Variants in PTPRC observed in about 807,000 individuals in gnomAD.
The protein encoded by PTPRC is protein tyrosine phosphatase receptor type C.
A neutral mutation model predicts 155.9 loss-of-function variants in PTPRC; 44 were observed. That is an observed-to-expected ratio of 0.28 (90% CI 0.22 to 0.36). The LOEUF (loss-of-function observed/expected upper bound fraction) is 0.36, where lower values mean the gene tolerates loss of function less well. Among genes scored for constraint, PTPRC ranks in the 10% least tolerant of loss-of-function variants. The pLI is 1.00. For synonymous variants in PTPRC, 525 were observed against 533.1 expected (o/e 0.98, Z 0.21); for missense variants, 1,401 against 1,564.6 (o/e 0.90, Z 1.76).
chr1:198,724,313 C>T (rs1654028393), intron 15 of PTPRC, among the ~76,000 whole-genome samples: 1 of 152,130 alleles, frequency 6.6e-6, no homozygotes, highest in Non-Finnish European at 1.5e-5. Flanking sequence ...TGGGTTTCCC[C>T]GGCATAATAT....
intron 2 of PTPRC, among the ~76,000 whole-genome samples, chr1:198,677,100 C>T (rs1476206652): frequency 1.3e-5 from 2 of 152,182 alleles, no homozygotes; most frequent in African/African-American, 4.8e-5. Flanking sequence ...GAAGGATAGA[C>T]TGGTGTTAAC....
At chr1:198,668,122 CA>C (rs1304180787) in intron 2 of PTPRC, among the ~76,000 whole-genome samples, 1 of 152,080 alleles carries the variant, frequency 6.6e-6, no homozygotes, top group East Asian at 1.9e-4. Flanking sequence ...GGACAACCAG[CA>C]AAAACAGTGA....
intron 11 of PTPRC, among the ~76,000 whole-genome samples, chr1:198,710,228 T>C (rs1653223475): frequency 6.6e-6 from 1 of 152,212 alleles, no homozygotes; most frequent in South Asian, 2.1e-4. Context: ...TGAATAGTCT[T>C]GCCATTCTTA....
Position 198,742,101 on chromosome 1 carries a change from A to G in PTPRC, c.2561+75A>G. 1.2e-6 allele frequency: 2 copies of G among 1,602,982 alleles called. 1 individual carries two copies. The highest frequency in any genetic ancestry group is 2.2e-5 in the South Asian group (2 of 90,840). On this transcript the variant is annotated intron_variant, in intron 24 of 32. Coordinates refer to ENST00000442510, the MANE Select transcript of PTPRC (RefSeq NM_002838.5). ...GAATCCACCTGCCTAGGGCTGTTAGAGACATCTTTCCCTTTGGCAATTGCT... is the reference window on the plus strand; with the variant it reads ...GAATCCACCTGCCTAGGGCTGTTAGGGACATCTTTCCCTTTGGCAATTGCT...
chr1:198,755,820 T>C, intron 32 of PTPRC, 86 bp from the exon 33 acceptor site: 1 of 1,361,124 alleles, frequency 7.3e-7, no homozygotes, highest in Non-Finnish European at 1.0e-6. Flanking sequence ...CACAAATAAA[T>C]CATTAGTTCT....
rs775095087 is a variant in PTPRC at position 198,712,970 on chromosome 1, A to T, written c.1189A>T (p.Ile397Phe). ...TTTAACAGGTCCAGGAGAGCCTCAG[A>T]TTATTTTTTGTAGAAGTGAAGCTGC... ...TDFGSPGEPQ[I>F]IFCRSEAAHQ... The change falls in exon 12 of 33, where the codon ATT (isoleucine) becomes TTT (phenylalanine). Residue 397 changes from isoleucine (I) to phenylalanine (F), a missense_variant. This residue lies in a region of PTPRC where 867 missense variants were observed against 970.4 expected (regional missense o/e 0.89). Transcript: ENST00000442510. 1.4e-5 allele frequency: 23 copies of T among 1,613,152 alleles called. No homozygotes were observed. The highest frequency in any genetic ancestry group is 1.9e-5 in the Non-Finnish European group (22 of 1,179,318).
At chr1:198,707,778 G>A (rs892585109) in intron 9 of PTPRC, among the ~76,000 whole-genome samples, 48 of 152,142 alleles carry the variant, frequency 3.2e-4, no homozygotes, top group African/African-American at 9.2e-4. Context: ...AGTAAGTAAA[G>A]AGTAAACAAA....
chr1:198,711,001 C>T (rs1329597732), intron 11 of PTPRC, among the ~76,000 whole-genome samples: 3 of 152,090 alleles, frequency 2.0e-5, no homozygotes, highest in East Asian at 1.9e-4. Flanking sequence ...ACTACAGGTG[C>T]GTGCCACCAC....
intron 25 of PTPRC, 88 bp from the exon 26 acceptor site, chr1:198,743,966 T>A: frequency 7.6e-7 from 1 of 1,315,982 alleles, no homozygotes. Context: ...TATGAGCAAA[T>A]TTATGGGGAA....
intron 2 of PTPRC, among the ~76,000 whole-genome samples, chr1:198,675,161 G>A (rs965607082): frequency 6.6e-6 from 1 of 151,906 alleles, no homozygotes; most frequent in South Asian, 2.1e-4. Context: ...CTGATTTTAA[G>A]AATTTGAAAG....
At chr1:198,723,610 G>A (rs975293483) in intron 15 of PTPRC, among the ~76,000 whole-genome samples, 4 of 151,910 alleles carry the variant, frequency 2.6e-5, no homozygotes, top group Non-Finnish European at 5.9e-5. Context: ...CTATTAAATT[G>A]TAAATAATTT....
intron 10 of PTPRC, among the ~76,000 whole-genome samples, chr1:198,708,728 G>A (rs1653130065): frequency 6.6e-6 from 1 of 152,142 alleles, no homozygotes; most frequent in South Asian, 2.1e-4. Context: ...ACTTAAATAA[G>A]AAGAAAGCAG....
intron 3 of PTPRC, 46 bp from the exon 4 acceptor site, chr1:198,696,666 T>C: frequency 6.7e-7 from 1 of 1,490,646 alleles, no homozygotes; most frequent in Non-Finnish European, 9.4e-7. Flanking sequence ...TAGGGTATGA[T>C]TCACATATTT....
At chr1:198,749,740 A>C (rs898397301) in intron 28 of PTPRC, among the ~76,000 whole-genome samples, 191 bp downstream of exon 28, 6 of 151,880 alleles carry the variant, frequency 4.0e-5, no homozygotes, top group Non-Finnish European at 8.8e-5. Flanking sequence ...ACTATAACCT[A>C]ATAACCTGAG....
intron 25 of PTPRC, 108 bp downstream of exon 25, chr1:198,742,475 A>C: frequency 6.6e-6 from 9 of 1,364,844 alleles, no homozygotes; most frequent in South Asian, 1.2e-5. Flanking sequence ...TCACAACCTC[A>C]AACAGTAGAT....
chr1:198,705,249 C>T (rs1005670116), intron 8 of PTPRC, among the ~76,000 whole-genome samples: 9 of 151,880 alleles, frequency 5.9e-5, no homozygotes, highest in Non-Finnish European at 7.4e-5. Flanking sequence ...GCTTTCCATA[C>T]ATTTAGTGTA....
intron 15 of PTPRC, among the ~76,000 whole-genome samples, chr1:198,723,658 A>G (rs1436901761): frequency 6.6e-6 from 1 of 152,236 alleles, no homozygotes; most frequent in Non-Finnish European, 1.5e-5. Context: ...TCACACTCAC[A>G]TCTTAATAGG....
At chr1:198,723,748 C>A (rs150261500) in intron 15 of PTPRC, among the ~76,000 whole-genome samples, 17 of 152,290 alleles carry the variant, frequency 1.1e-4, no homozygotes, top group African/African-American at 3.6e-4. Flanking sequence ...CAGTGGGAAT[C>A]CTTGCAGCGG....
intron 24 of PTPRC, 22 bp from the exon 25 acceptor site, chr1:198,742,209 CT>C (rs747865861): frequency 1.7e-5 from 27 of 1,610,638 alleles, no homozygotes; most frequent in East Asian, 4.5e-5. Flanking sequence ...CATGCCTCTG[CT>C]TTTTTTTGCT....
Sources: gnomAD v4.1 joint callset for allele counts (sites outside exome capture counted in the v4.1 genomes callset) on GRCh38, gnomAD v4.1.1 for gene constraint, gnomAD v4.1.1 regional missense constraint, MANE v1.5 for transcripts, NCBI Gene and HGNC (gene_info 2026-07-23, HGNC 2026-07-21) for gene names.